Variants in SLC5A8 observed in about 807,000 individuals in gnomAD.
SLC5A8 encodes the protein solute carrier family 5 member 8.
SLC5A8 carries 55 observed loss-of-function variants against 71.9 expected under a neutral mutation model. The ratio of observed to expected loss-of-function variants is 0.77; its 90% CI spans 0.62 to 0.96. The LOEUF (loss-of-function observed/expected upper bound fraction) is 0.96, where lower values mean the gene tolerates loss of function less well. Among genes scored for constraint, SLC5A8 ranks in the 40% least tolerant of loss-of-function variants. The pLI is 0.00. For missense variants in SLC5A8, 701 were observed against 745.3 expected, an observed-to-expected ratio of 0.94 and a Z score of 0.69; for synonymous variants, 307 against 276.1, an observed-to-expected ratio of 1.11 and a Z score of -1.11.
chr12:101,171,323 G>C (rs1405733936), intron 10 of SLC5A8, among the ~76,000 whole-genome samples: 1 of 152,148 alleles, frequency 6.6e-6, no homozygotes, highest in Non-Finnish European at 1.5e-5. Context: ...TTGACAGATA[G>C]GACTGACCCT....
chr12:101,198,236 T>A (rs1010712788), intron 3 of SLC5A8, among the ~76,000 whole-genome samples: 31 of 151,866 alleles, frequency 2.0e-4, no homozygotes, highest in Non-Finnish European at 4.4e-4. Flanking sequence ...TTAAAATCAA[T>A]GACCTAAGCG....
chr12:101,168,703 A>C (rs1291703347), intron 10 of SLC5A8, among the ~76,000 whole-genome samples: 1 of 152,252 alleles, frequency 6.6e-6, no homozygotes, highest in Non-Finnish European at 1.5e-5. Context: ...AAATAGATTT[A>C]AAATCTAATT....
At chr12:101,166,742 G>T in intron 11 of SLC5A8, 43 bp from the exon 12 acceptor site, 1 of 1,501,486 alleles carries the variant, frequency 6.7e-7, no homozygotes. Context: ...AATACAATTT[G>T]CTTTGATGTC....
chr12:101,164,241 C>T (rs1239903346), intron 12 of SLC5A8, among the ~76,000 whole-genome samples: 1 of 152,092 alleles, frequency 6.6e-6, no homozygotes. Flanking sequence ...ATGTCATGAA[C>T]TTCTATGTAA....
chr12:101,202,223 G>C lies in SLC5A8; in HGVS notation c.418-8C>G. 6.4e-7 allele frequency: 1 copy of C among 1,552,752 alleles called. No homozygotes were observed. The highest frequency in any genetic ancestry group is 8.7e-7 in the Non-Finnish European group (1 of 1,153,728). On this transcript the variant is annotated splice_region_variant and splice_polypyrimidine_tract_variant and intron_variant, in intron 2 of 14. Transcript: ENST00000536262. Reference sequence around the variant, plus strand: ...AATTCCAGTATACAGAATCTAGGGGGGAGAAAGAAAGCCAAATGAATTATA... The same window carrying C: ...AATTCCAGTATACAGAATCTAGGGGCGAGAAAGAAAGCCAAATGAATTATA...
chr12:101,179,954 T>C, intron 10 of SLC5A8, 75 bp downstream of exon 10: 2 of 1,498,822 alleles, frequency 1.3e-6, no homozygotes, highest in Non-Finnish European at 1.9e-6. Flanking sequence ...GAGAGAAGTC[T>C]GGAAGGATGG....
In SLC5A8 at chr12:101,210,172, T is replaced by G. The variant is rs1487667343; in HGVS notation, c.-324A>C. The G allele has an allele frequency of 9.3e-6, 3 of 321,616 alleles. No individual in the cohort carries two copies. The highest frequency in any genetic ancestry group is 1.7e-5 in the Non-Finnish European group (3 of 178,258). 19.9% of individuals were successfully genotyped at this position (321,616 alleles called of 1,614,324 possible). ...AAGGCGCCGGGGACACCTGAGCAGA[T>G]GAGAACTGGAGCCTCCAGCTGCTTC... On this transcript the variant is annotated 5_prime_UTR_variant, in exon 1 of 15. Coordinates refer to ENST00000536262, the MANE Select transcript of SLC5A8 (RefSeq NM_145913.5).
At chr12:101,161,839 C>A in intron 13 of SLC5A8, 135 bp downstream of exon 13, 4 of 682,636 alleles carry the variant, frequency 5.9e-6, no homozygotes, top group Non-Finnish European at 9.9e-6. Context: ...TCAGATTTCC[C>A]ATGAGTAAAA....
rs745701186 is a variant in SLC5A8 at position 101,158,332 on chromosome 12, GA to G, written c.1631-5del. 382 of 1,482,028 alleles carry G rather than the reference GA, an allele frequency of 2.6e-4. No homozygotes were observed. Among genetic ancestry groups the G allele is most frequent in the Middle Eastern group, 5.3e-4 (3 of 5,638 alleles). 91.8% of individuals were successfully genotyped at this position (1,482,028 alleles called of 1,614,324 possible). A position where few individuals can be genotyped will look rare whatever the true frequency, so the allele number is the denominator to read the frequency against. On this transcript the variant is annotated splice_region_variant and splice_polypyrimidine_tract_variant and intron_variant, in intron 13 of 14. Transcript: ENST00000536262. Reference sequence around the variant, plus strand: ...TCTAAGTTCTGTTTTCTTCCTCCTGGAAAAAAAAATGTACATGACTTACGTT... The same window carrying G: ...TCTAAGTTCTGTTTTCTTCCTCCTGGAAAAAAAATGTACATGACTTACGTT...
At position 101,167,234 on chromosome 12, in the gene SLC5A8, A is replaced by G. The variant is rs950607154; in HGVS notation, c.1321-535T>C. ...AACATTCTGAGGTGGACACAAACAAATCTCTTTCATTGTGATTAATTCCTA... is the reference window on the plus strand; with the variant it reads ...AACATTCTGAGGTGGACACAAACAAGTCTCTTTCATTGTGATTAATTCCTA... On this transcript the variant is annotated intron_variant, in intron 11 of 14. Coordinates refer to ENST00000536262, the MANE Select transcript of SLC5A8 (RefSeq NM_145913.5). Among the ~76,000 whole-genome samples, 3 of 152,312 alleles carry G rather than the reference A, an allele frequency of 2.0e-5. No homozygotes were observed. The East Asian group carries it at 5.8e-4, about 29-fold the overall frequency.
intron 2 of SLC5A8, among the ~76,000 whole-genome samples, chr12:101,204,226 C>T (rs954770347): frequency 6.6e-6 from 1 of 152,110 alleles, no homozygotes; most frequent in Non-Finnish European, 1.5e-5. Flanking sequence ...GAAGGGAGGT[C>T]AGATAAAGGG....
In SLC5A8 at chr12:101,210,187, C is replaced by G. The variant is rs1218662194; in HGVS notation, c.-339G>C. On this transcript the variant is annotated 5_prime_UTR_variant, in exon 1 of 15. Transcript: ENST00000536262. The stretch of plus-strand genomic sequence containing the variant: ...CCTGAGCAGATGAGAACTGGAGCCT[C>G]CAGCTGCTTCCAGCGAATCTACACA... The G allele has an allele frequency of 3.5e-6, 1 of 283,828 alleles. No homozygotes were observed. Among genetic ancestry groups the G allele is most frequent in the East Asian group, 5.9e-5 (1 of 17,060 alleles). 17.6% of individuals were successfully genotyped at this position (283,828 alleles called of 1,614,324 possible).
chr12:101,157,869 G>A (rs570735275), intron 14 of SLC5A8, among the ~76,000 whole-genome samples: 6 of 151,654 alleles, frequency 4.0e-5, no homozygotes, highest in Non-Finnish European at 7.4e-5. Flanking sequence ...GGTTATCAGA[G>A]GATAGAGAGA....
At chr12:101,204,139 T>C (rs930953607) in intron 2 of SLC5A8, among the ~76,000 whole-genome samples, 1 of 152,256 alleles carries the variant, frequency 6.6e-6, no homozygotes, top group Non-Finnish European at 1.5e-5. Flanking sequence ...CTTGTTTTCC[T>C]TTTGTTAGAA....
intron 3 of SLC5A8, among the ~76,000 whole-genome samples, chr12:101,197,351 G>C (rs549932292): frequency 6.6e-6 from 1 of 152,216 alleles, no homozygotes; most frequent in African/African-American, 2.4e-5. Flanking sequence ...ATCATCAATA[G>C]CTGCTGATAA....
chr12:101,170,458 G>C (rs1445096118), intron 10 of SLC5A8, among the ~76,000 whole-genome samples: 3 of 152,124 alleles, frequency 2.0e-5, no homozygotes, highest in African/African-American at 7.2e-5. Flanking sequence ...CTGAAGAATG[G>C]TACAGGGTGA....
chr12:101,198,206 C>T (rs1055014144), intron 3 of SLC5A8, among the ~76,000 whole-genome samples: 2 of 151,868 alleles, frequency 1.3e-5, no homozygotes, highest in African/African-American at 4.8e-5. Context: ...TAAATGTTTG[C>T]TTTATGAAAT....
At chr12:101,188,131 G>A (rs1280332458) in intron 6 of SLC5A8, among the ~76,000 whole-genome samples, 2 of 152,158 alleles carry the variant, frequency 1.3e-5, no homozygotes, top group African/African-American at 4.8e-5. Flanking sequence ...TACCATAAGT[G>A]ACCCTGGGCC....
At chr12:101,178,458 A>G (rs1238814685) in intron 10 of SLC5A8, among the ~76,000 whole-genome samples, 3 of 152,218 alleles carry the variant, frequency 2.0e-5, no homozygotes, top group African/African-American at 7.2e-5. Context: ...TGGTATTGGC[A>G]GAAGTACAGA....
Sources: gnomAD v4.1 joint callset for allele counts (sites outside exome capture counted in the v4.1 genomes callset) on GRCh38, gnomAD v4.1.1 for gene constraint, MANE v1.5 for transcripts, NCBI Gene and HGNC (gene_info 2026-07-23, HGNC 2026-07-21) for gene names.